IKZF3: variants seen among roughly 807,000 people sequenced by gnomAD.
IKZF3 encodes IKAROS family zinc finger 3.
In IKZF3, 10 loss-of-function variants were observed where a neutral mutation model predicts 49.0. That is an observed-to-expected ratio of 0.20 (90% CI 0.13 to 0.35). The LOEUF (loss-of-function observed/expected upper bound fraction) is 0.35, where lower values mean the gene tolerates loss of function less well. Among genes scored for constraint, IKZF3 ranks in the 10% least tolerant of loss-of-function variants. The probability of loss-of-function intolerance (pLI) is 1.00; values close to 1 mark genes in which losing one functional copy is unlikely to be tolerated. For synonymous variants in IKZF3, 209 were observed against 228.2 expected (o/e 0.92, Z 0.76); for missense variants, 498 against 664.8 (o/e 0.75, Z 2.76).
intron 6 of IKZF3, chr17:39,778,314 T>C: frequency 2.6e-6 from 1 of 379,126 alleles, no homozygotes; most frequent in Non-Finnish European, 3.6e-6. Context: ...TTTTTCTTTT[T>C]TTTTTTCAGC....
intron 3 of IKZF3, among the ~76,000 whole-genome samples, chr17:39,793,142 A>C (rs2061072430): frequency 6.6e-6 from 1 of 152,230 alleles, no homozygotes. Flanking sequence ...ATACTTACAC[A>C]CATAAAAATA....
intron 3 of IKZF3, among the ~76,000 whole-genome samples, chr17:39,812,423 C>T (rs1050814162): frequency 5.9e-5 from 9 of 152,130 alleles, no homozygotes; most frequent in African/African-American, 2.2e-4. Flanking sequence ...ACAACCAGCT[C>T]AGGATCGGGG....
chr17:39,850,305 T>C (rs1196472187), intron 1 of IKZF3, among the ~76,000 whole-genome samples: 1 of 139,494 alleles, frequency 7.2e-6, no homozygotes, highest in African/African-American at 2.7e-5. Flanking sequence ...ATATATAGCA[T>C]ATTATACATG....
chr17:39,856,231 T>C (rs2063053372), intron 1 of IKZF3, among the ~76,000 whole-genome samples: 1 of 152,192 alleles, frequency 6.6e-6, no homozygotes, highest in African/African-American at 2.4e-5. Context: ...AGCTGAGCCT[T>C]AGCCTTTACA....
chr17:39,800,299 T>C lies in IKZF3; in HGVS notation c.164-7366A>G, dbSNP rs147130562. On this transcript the variant is annotated intron_variant, in intron 3 of 7. Transcript: ENST00000346872. ...AGCCTCATAGACACTGGTGAAAGTTTATTTCTTAAGTCAGGTGGTGGGTGT... is the reference window on the plus strand; with the variant it reads ...AGCCTCATAGACACTGGTGAAAGTTCATTTCTTAAGTCAGGTGGTGGGTGT... Among the ~76,000 whole-genome samples, 151 of 152,346 alleles carry C rather than the reference T, an allele frequency of 9.9e-4. 2 individuals are homozygous for C. The highest frequency in any genetic ancestry group is 3.4e-3 in the African/African-American group (142 of 41,578).
chr17:39,817,491 T>C lies in IKZF3; in HGVS notation c.163+11896A>G, dbSNP rs369042851. 1.9e-3 allele frequency among the ~76,000 whole-genome samples: 282 copies of C among 152,222 alleles called. 1 individual carries two copies. Among genetic ancestry groups the C allele is most frequent in the Non-Finnish European group, 2.6e-3 (179 of 68,008 alleles). ...TGCCCAGGCTGGAGTGCACTGGCTA[T>C]TCATAGGTGTAATCATGATGCACAA... On this transcript the variant is annotated intron_variant, in intron 3 of 7. Transcript: ENST00000346872.
intron 3 of IKZF3, among the ~76,000 whole-genome samples, chr17:39,806,931 G>C (rs1218174009): frequency 2.0e-5 from 3 of 152,158 alleles, no homozygotes; most frequent in Non-Finnish European, 4.4e-5. Context: ...GGCAGTGTCT[G>C]GCCAACCTCC....
rs1398533636 is a variant in IKZF3 at position 39,792,787 on chromosome 17, G to C, written c.310C>G (p.His104Asp). Residue 104 changes from histidine to aspartate, a missense_variant, in exon 4 of 8, where the codon CAT (histidine) becomes GAT (aspartate). By Grantham distance (81) the His-to-Asp change is moderately conservative (BLOSUM62 -1). This residue lies in a region of IKZF3 where 84 missense variants were observed against 168.6 expected (regional missense o/e 0.50). Transcript: ENST00000346872. ...CTGCTACTATCGAATGAGACAACAT[G>C]TCTCTCCAACTTAATGTTTTCATAT... ...NEYENIKLER[H>D]VVSFDSSRPT... The C allele has an allele frequency of 1.9e-6, 3 of 1,614,064 alleles. No individual in the cohort carries two copies. The highest frequency in any genetic ancestry group is 2.5e-6 in the Non-Finnish European group (3 of 1,180,026).
intron 1 of IKZF3, among the ~76,000 whole-genome samples, chr17:39,852,682 T>C (rs1161467598): frequency 1.3e-5 from 2 of 152,100 alleles, no homozygotes; most frequent in Non-Finnish European, 2.9e-5. Flanking sequence ...TGGCTTTAAA[T>C]ATCACTGGCT....
intron 1 of IKZF3, among the ~76,000 whole-genome samples, chr17:39,857,129 GAGAT>G (rs1237787051): frequency 2.0e-5 from 3 of 152,128 alleles, no homozygotes; most frequent in African/African-American, 7.2e-5. Context: ...TCTTAACTAA[GAGAT>G]AGAGGTAGAT....
At chr17:39,853,446 C>G (rs1388420180) in intron 1 of IKZF3, among the ~76,000 whole-genome samples, 4 of 152,124 alleles carry the variant, frequency 2.6e-5, no homozygotes, top group Non-Finnish European at 4.4e-5. Flanking sequence ...GTGAAGATGA[C>G]CCACCACTGA....
intron 5 of IKZF3, among the ~76,000 whole-genome samples, chr17:39,790,747 CT>C (rs888095562): frequency 2.6e-5 from 4 of 152,068 alleles, no homozygotes; most frequent in Non-Finnish European, 5.9e-5. Context: ...GTTGTTCAAT[CT>C]TTTAGAGATT....
In IKZF3 at chr17:39,818,235, T is replaced by C. The variant is rs532691270; in HGVS notation, c.163+11152A>G. The stretch of plus-strand genomic sequence containing the variant: ...CCACCACTGTTTTTGCAGTTCATCA[T>C]TGACCCAAACATTATGTGGTATATG... On this transcript the variant is annotated intron_variant, in intron 3 of 7. Transcript: ENST00000346872. 2.6e-5 allele frequency among the ~76,000 whole-genome samples: 4 copies of C among 152,356 alleles called. No individual in the cohort carries two copies. The East Asian group carries it at 5.8e-4, about 22-fold the overall frequency.
chr17:39,791,654 C>T, intron 4 of IKZF3, 71 bp from the exon 5 acceptor site: 1 of 1,471,962 alleles, frequency 6.8e-7, no homozygotes, highest in South Asian at 1.2e-5. Context: ...GATTAGATGC[C>T]TAGGGGAAAA....
chr17:39,823,845 A>C (rs2061880496), intron 3 of IKZF3, among the ~76,000 whole-genome samples: 1 of 152,190 alleles, frequency 6.6e-6, no homozygotes, highest in Non-Finnish European at 1.5e-5. Flanking sequence ...GGATGTCCAG[A>C]CAGAAGTTCG....
intron 3 of IKZF3, among the ~76,000 whole-genome samples, chr17:39,794,228 A>C (rs1375371088): frequency 6.6e-6 from 1 of 152,196 alleles, no homozygotes; most frequent in African/African-American, 2.4e-5. Context: ...TTAAGCTTGA[A>C]CTATCAATTA....
chr17:39,853,385 ACTAT>A lies in IKZF3; in HGVS notation c.7+10731_7+10734del, dbSNP rs1398882981. On this transcript the variant is annotated intron_variant, in intron 1 of 7. Transcript: ENST00000346872. ...AACTTTATAAAACTGTCGTTCTTCA[ACTAT>A]CTTTTAAAATCTTTTAAACAATAAA... 2.0e-5 allele frequency among the ~76,000 whole-genome samples: 3 copies of A among 152,246 alleles called. 1 individual carries two copies. Among genetic ancestry groups the A allele is most frequent in the Admixed American group, 6.5e-5 (1 of 15,278 alleles).
At chr17:39,830,842 A>G (rs973263661) in intron 2 of IKZF3, among the ~76,000 whole-genome samples, 1 of 152,202 alleles carries the variant, frequency 6.6e-6, no homozygotes, top group Non-Finnish European at 1.5e-5. Context: ...CCATGACCAA[A>G]CACACGCGGG....
intron 5 of IKZF3, among the ~76,000 whole-genome samples, 168 bp from the exon 6 acceptor site, chr17:39,788,542 A>G (rs746702338): frequency 6.6e-6 from 1 of 152,190 alleles, no homozygotes; most frequent in Non-Finnish European, 1.5e-5. Flanking sequence ...AAATAAGGTT[A>G]TGGTCTATGA....
Sources: allele counts gnomAD v4.1 joint callset (sites outside exome capture counted in the v4.1 genomes callset), GRCh38; gene constraint gnomAD v4.1.1; regional missense constraint gnomAD v4.1.1; transcripts MANE v1.5; gene names NCBI Gene and HGNC (gene_info 2026-07-23, HGNC 2026-07-21).